Variants in PWWP3A observed in about 807,000 individuals in gnomAD.
The protein encoded by PWWP3A is PWWP domain-containing DNA repair factor 3A.
A neutral mutation model predicts 79.0 loss-of-function variants in PWWP3A; 53 were observed. The ratio of observed to expected loss-of-function variants is 0.67; its 90% CI spans 0.54 to 0.84. The LOEUF (loss-of-function observed/expected upper bound fraction) is 0.84, where lower values mean the gene tolerates loss of function less well. Ranked by LOEUF, PWWP3A falls within the 40% of genes least tolerant of loss-of-function variation. PWWP3A has a pLI of 0.00. For missense variants in PWWP3A, 973 were observed against 948.0 expected (o/e 1.03, Z -0.35); for synonymous variants, 443 against 394.4 (o/e 1.12, Z -1.46).
chr19:1,373,420 T>C, intron 13 of PWWP3A: 1 of 529,000 alleles, frequency 1.9e-6, no homozygotes, highest in South Asian at 2.3e-5. Context: ...GGGCCGTGTC[T>C]GTTCTTAATC....
chr19:1,369,684 C>CT lies in PWWP3A; in HGVS notation c.1549+42dup. 1 of 1,606,814 alleles carries CT rather than the reference C, an allele frequency of 6.2e-7. No individual in the cohort carries two copies. The highest frequency in any genetic ancestry group is 8.5e-7 in the Non-Finnish European group (1 of 1,173,298). On this transcript the variant is annotated intron_variant, in intron 11 of 13. Coordinates refer to ENST00000591337, the MANE Select transcript of PWWP3A (RefSeq NM_001369789.1). This position sits in a 1 kb window ranked among gnomAD's most constrained non-coding sequence, Gnocchi z 4.0. ...GCACATCTTGGAAAATGTGGTTTGCCTTTTAGCCCTTTAGAAAAACAATCT... is the reference window on the plus strand; with the variant it reads ...GCACATCTTGGAAAATGTGGTTTGCCTTTTTAGCCCTTTAGAAAAACAATCT...
In PWWP3A at chr19:1,362,282, A is replaced by G. The variant is rs1008304879; in HGVS notation, c.1144A>G (p.Asn382Asp). Residue 382 changes from asparagine (N) to aspartate (D), a missense_variant, in exon 6 of 14, where the codon AAT becomes GAT. Transcript: ENST00000591337. Reference sequence around the variant, plus strand: ...GTCTTCCGAAGAGTCCATGGGGTCTAATTCCATGCGTTCTATCCTGGAGGA... The same window carrying G: ...GTCTTCCGAAGAGTCCATGGGGTCTGATTCCATGCGTTCTATCCTGGAGGA... ...CQSSEESMGS[N>D]SMRSILEEDE... is the part of the protein sequence containing the mutation. 6 of 1,613,992 alleles carry G rather than the reference A, an allele frequency of 3.7e-6. No homozygotes were observed. Among genetic ancestry groups the G allele is most frequent in the African/African-American group, 1.3e-5 (1 of 74,930 alleles).
chr19:1,371,145 C>G lies in PWWP3A; in HGVS notation c.1986+67C>G, dbSNP rs893595601. ...TGCGCTGGGATTTTGCAACTCCGCACGAGGAGGCTGCCACGGTCCTCGCCC... is the reference window on the plus strand; with the variant it reads ...TGCGCTGGGATTTTGCAACTCCGCAGGAGGAGGCTGCCACGGTCCTCGCCC... On this transcript the variant is annotated intron_variant, in intron 12 of 13. Coordinates refer to ENST00000591337, the MANE Select transcript of PWWP3A (RefSeq NM_001369789.1). 8 of 1,509,480 alleles carry G rather than the reference C, an allele frequency of 5.3e-6. No homozygotes were observed. The South Asian group carries it at 6.0e-5, about 11-fold the overall frequency. 93.5% of individuals were successfully genotyped at this position (1,509,480 alleles called of 1,614,324 possible). A position where few individuals can be genotyped will look rare whatever the true frequency, so the allele number is the denominator to read the frequency against.
chr19:1,362,394 T>A, intron 6 of PWWP3A, 43 bp downstream of exon 6: 1 of 1,528,134 alleles, frequency 6.5e-7, no homozygotes, highest in Non-Finnish European at 9.0e-7. Context: ...AACGGTGCGC[T>A]CAGAGGCAGC....
chr19:1,376,562 C>T lies in PWWP3A; in HGVS notation c.2119C>T (p.Arg707Trp). ...CAACCAGCTCCTTGAAGAGCGGAAC[C>T]GGCGCCGTCGGTGAGGGAGCAGCCG... ...FDNQLLEERN[R>W]RRR Residue 707 changes from arginine (R) to tryptophan (W), a missense_variant, in exon 14 of 14, where the codon CGG becomes TGG. By Grantham distance (101) the Arg-to-Trp change is moderately radical. Coordinates refer to ENST00000591337, the MANE Select transcript of PWWP3A (RefSeq NM_001369789.1). The T allele has an allele frequency of 1.9e-6, 3 of 1,613,494 alleles. No homozygotes were observed. The highest frequency in any genetic ancestry group is 2.5e-6 in the Non-Finnish European group (3 of 1,179,888).
At chr19:1,367,647 G>C (rs757659912) in intron 9 of PWWP3A, among the ~76,000 whole-genome samples, 13 of 152,240 alleles carry the variant, frequency 8.5e-5, no homozygotes, top group Admixed American at 3.3e-4. Context: ...CCCTGTGGGC[G>C]CTCAAGTGCT....
At chr19:1,363,654 C>G (rs1008408784) in intron 6 of PWWP3A, among the ~76,000 whole-genome samples, 10 of 152,180 alleles carry the variant, frequency 6.6e-5, no homozygotes, top group African/African-American at 2.4e-4. Context: ...TCAGGCTGGG[C>G]GTCTTTCTGA....
intron 12 of PWWP3A, 158 bp downstream of exon 12, chr19:1,371,236 C>A: frequency 1.2e-6 from 1 of 846,294 alleles, no homozygotes; most frequent in Non-Finnish European, 1.9e-6. Context: ...CCTGTCAGTG[C>A]TGGGAAATGC....
intron 13 of PWWP3A, among the ~76,000 whole-genome samples, chr19:1,375,572 T>TA (rs1491309803): frequency 4.8e-5 from 6 of 124,864 alleles, no homozygotes; most frequent in African/African-American, 1.8e-4. Context: ...ATAAAATATA[T>TA]TATATATAAA....
chr19:1,367,251 A>C, intron 9 of PWWP3A, 31 bp downstream of exon 9: 3 of 1,585,588 alleles, frequency 1.9e-6, no homozygotes, highest in Non-Finnish European at 2.6e-6. Flanking sequence ...GCTTGCTTTA[A>C]ATGGTTTACT....
rs1568969464 is a variant in PWWP3A, at chr19:1,376,505, C to G, written c.2076-14C>G. 3 of 1,612,694 alleles carry G rather than the reference C, an allele frequency of 1.9e-6. No homozygotes were observed. The highest frequency in any genetic ancestry group is 8.5e-7 in the Non-Finnish European group (1 of 1,179,318). ...ATGATTAATTACTAAAATGAAGACTCTTGTTTTCTGAAGGGAAAAAGAAAT... is the reference window on the plus strand; with the variant it reads ...ATGATTAATTACTAAAATGAAGACTGTTGTTTTCTGAAGGGAAAAAGAAAT... On this transcript the variant is annotated splice_polypyrimidine_tract_variant and intron_variant, in intron 13 of 13. Transcript: ENST00000591337.
In PWWP3A at chr19:1,356,379, C is replaced by A; in HGVS notation, c.-14C>A. 1 of 1,614,060 alleles carries A rather than the reference C, an allele frequency of 6.2e-7. No homozygotes were observed. The highest frequency in any genetic ancestry group is 8.5e-7 in the Non-Finnish European group (1 of 1,179,902). ...TGTGCCAAATCATTGCCACTTGCCA[C>A]ATGAGTGTAAATGATGGCGGATGCC... On this transcript the variant is annotated 5_prime_UTR_variant, in exon 2 of 14. Transcript: ENST00000591337.
rs966854187 is a variant in PWWP3A, at chr19:1,368,028, G to A, written c.1422+808G>A. Among the ~76,000 whole-genome samples, 1 of 152,124 alleles carries A rather than the reference G, an allele frequency of 6.6e-6. No individual in the cohort carries two copies. The highest frequency in any genetic ancestry group is 6.5e-5 in the Admixed American group (1 of 15,278). On this transcript the variant is annotated intron_variant, in intron 9 of 13. Transcript: ENST00000591337. The surrounding 1 kb of genome is among the most constrained non-coding windows in gnomAD (Gnocchi z 4.7). ...CAACCTCCACCTCCTGGGTTCATGC[G>A]ATTCTGCTGCCTCAGCCTTCCGAGT...
In PWWP3A at chr19:1,376,519, G is replaced by T; in HGVS notation, c.2076G>T (p.Arg692=). Residue 692 remains arginine (R), a splice_region_variant and synonymous_variant, in exon 14 of 14, where the codon CGG becomes CGT. Coordinates refer to ENST00000591337, the MANE Select transcript of PWWP3A (RefSeq NM_001369789.1). ...AAATGAAGACTCTTGTTTTCTGAAG[G>T]GAAAAAGAAATATTTGACAACCAGC... ...KYIKGPSLSY[R]EKEIFDNQLL... 1 of 1,613,106 alleles carries T rather than the reference G, an allele frequency of 6.2e-7. No homozygotes were observed. Among genetic ancestry groups the T allele is most frequent in the East Asian group, 2.2e-5 (1 of 44,848 alleles).
At chr19:1,375,675 C>T (rs200663184) in intron 13 of PWWP3A, among the ~76,000 whole-genome samples, 5 of 27,928 alleles carry the variant, frequency 1.8e-4, no homozygotes, top group Admixed American at 1.6e-3. Context: ...ATAAAATGTA[C>T]AATTTTATAA....
rs1427130914 is a variant in PWWP3A, at chr19:1,369,492, GCCTGATTATTT to G, written c.1499-100_1499-90del. On this transcript the variant is annotated intron_variant, in intron 10 of 13. Coordinates refer to ENST00000591337, the MANE Select transcript of PWWP3A (RefSeq NM_001369789.1). This position sits in a 1 kb window ranked among gnomAD's most constrained non-coding sequence, Gnocchi z 4.0. Reference sequence around the variant, plus strand: ...GTGGGTGGGCTGGGGTTCTGGCCTGGCCTGATTATTTCCTAAACAGAGACGCCGGGCCAGCC... The same window carrying G: ...GTGGGTGGGCTGGGGTTCTGGCCTGGCCTAAACAGAGACGCCGGGCCAGCC... 7 of 1,519,430 alleles carry G rather than the reference GCCTGATTATTT, an allele frequency of 4.6e-6. No homozygotes were observed. In the African/African-American group the frequency reaches 8.2e-5, roughly 18 times the overall value. 94.1% of individuals were successfully genotyped at this position (1,519,430 alleles called of 1,614,324 possible).
intron 4 of PWWP3A, chr19:1,359,863 T>A (rs894116938): frequency 9.6e-6 from 3 of 310,888 alleles, no homozygotes; most frequent in African/African-American, 6.4e-5. Context: ...TTTTGTAACT[T>A]GGAGGAATTT....
At chr19:1,363,447 G>A (rs1208909377) in intron 6 of PWWP3A, among the ~76,000 whole-genome samples, 1 of 152,156 alleles carries the variant, frequency 6.6e-6, no homozygotes, top group Non-Finnish European at 1.5e-5. Context: ...GGCACCCATT[G>A]GGGACTTCCA....
intron 2 of PWWP3A, 77 bp downstream of exon 2, chr19:1,356,526 C>A: frequency 7.2e-7 from 1 of 1,384,062 alleles, no homozygotes; most frequent in South Asian, 1.2e-5. Flanking sequence ...TCAGGAGATA[C>A]CTAGGATTTG....
Sources: allele counts gnomAD v4.1 joint callset (sites outside exome capture counted in the v4.1 genomes callset), GRCh38; gene constraint gnomAD v4.1.1; non-coding constraint Gnocchi (gnomAD v3.1); transcripts MANE v1.5; gene names NCBI Gene and HGNC (gene_info 2026-07-23, HGNC 2026-07-21).